DPP10: variants seen among roughly 807,000 people sequenced by gnomAD.
DPP10 encodes the protein dipeptidyl peptidase like 10.
A neutral mutation model predicts 120.9 loss-of-function variants in DPP10; 33 were observed. The observed-to-expected ratio is 0.27, with a 90% CI of 0.21 to 0.37. The LOEUF is 0.37. Among genes scored for constraint, DPP10 ranks in the 10% least tolerant of loss-of-function variants. The probability of loss-of-function intolerance (pLI) is 1.00; values close to 1 mark genes in which losing one functional copy is unlikely to be tolerated. For synonymous variants in DPP10, 337 were observed against 326.1 expected (o/e 1.03, Z -0.36); for missense variants, 816 against 942.8 (o/e 0.87, Z 1.76).
chr2:115,021,040 A>G (rs1703035386), intron 1 of DPP10, among the ~76,000 whole-genome samples: 1 of 152,150 alleles, frequency 6.6e-6, no homozygotes, highest in African/African-American at 2.4e-5. Context: ...GAAAGTTCAT[A>G]GCATTAAATG....
intron 1 of DPP10, among the ~76,000 whole-genome samples, chr2:115,134,856 T>C (rs1344969812): frequency 6.6e-6 from 1 of 152,078 alleles, no homozygotes; most frequent in Non-Finnish European, 1.5e-5. Context: ...GATAAGTGTA[T>C]TTTAGGACAA....
At chr2:114,858,124 G>A (rs1689512773) in intron 1 of DPP10, among the ~76,000 whole-genome samples, 1 of 152,100 alleles carries the variant, frequency 6.6e-6, no homozygotes, top group Non-Finnish European at 1.5e-5. Flanking sequence ...CGAGTAGCTG[G>A]GACTACAGAT....
chr2:115,587,688 A>T (rs190258431), intron 5 of DPP10, among the ~76,000 whole-genome samples: 1 of 152,208 alleles, frequency 6.6e-6, no homozygotes, highest in African/African-American at 2.4e-5. Flanking sequence ...TAGTCTATGT[A>T]TATACAATGG....
chr2:114,885,961 G>A (rs1433046633), intron 1 of DPP10, among the ~76,000 whole-genome samples: 6 of 152,158 alleles, frequency 3.9e-5, no homozygotes, highest in African/African-American at 1.4e-4. Flanking sequence ...AAAATATAAT[G>A]TGCGAAGAGT....
At chr2:115,398,653 A>G (rs1481363192) in intron 3 of DPP10, among the ~76,000 whole-genome samples, 1 of 152,104 alleles carries the variant, frequency 6.6e-6, no homozygotes. Flanking sequence ...CATATTATCT[A>G]CATTGTATAT....
intron 1 of DPP10, among the ~76,000 whole-genome samples, chr2:114,807,558 C>A (rs1177731238): frequency 6.6e-6 from 1 of 152,118 alleles, no homozygotes; most frequent in East Asian, 1.9e-4. Context: ...TATATGTACT[C>A]ACAAATAATA....
chr2:115,331,066 C>T (rs1361462876), intron 2 of DPP10, among the ~76,000 whole-genome samples: 8 of 151,920 alleles, frequency 5.3e-5, no homozygotes, highest in East Asian at 3.9e-4. Context: ...GGGCATGGAA[C>T]GTTCTTCCAT....
intron 1 of DPP10, among the ~76,000 whole-genome samples, chr2:114,931,729 C>G (rs762288014): frequency 6.6e-6 from 1 of 152,160 alleles, no homozygotes; most frequent in African/African-American, 2.4e-5. Context: ...TTACTAACTG[C>G]CTGTCCTTTG....
At chr2:114,890,975 A>C (rs1308723589) in intron 1 of DPP10, among the ~76,000 whole-genome samples, 3 of 152,196 alleles carry the variant, frequency 2.0e-5, no homozygotes, top group Non-Finnish European at 4.4e-5. Flanking sequence ...ATAGGAAAAC[A>C]CACCGAGTTT....
At chr2:115,071,864 T>C (rs1220239669) in intron 1 of DPP10, among the ~76,000 whole-genome samples, 3 of 152,100 alleles carry the variant, frequency 2.0e-5, no homozygotes, top group Non-Finnish European at 2.9e-5. Flanking sequence ...AAAGTTTCCA[T>C]TATTTTTTTT....
At chr2:115,696,699 G>T (rs991544461) in intron 7 of DPP10, among the ~76,000 whole-genome samples, 2 of 152,070 alleles carry the variant, frequency 1.3e-5, no homozygotes, top group Non-Finnish European at 2.9e-5. Flanking sequence ...TAAATACATG[G>T]GCAATTATAG....
intron 3 of DPP10, among the ~76,000 whole-genome samples, chr2:115,351,788 A>G (rs2064052699): frequency 6.6e-6 from 1 of 152,080 alleles, no homozygotes; most frequent in Non-Finnish European, 1.5e-5. Context: ...CAAATGACCA[A>G]AAATGTTTTA....
intron 1 of DPP10, among the ~76,000 whole-genome samples, chr2:114,628,220 C>T (rs1250917469): frequency 6.6e-6 from 1 of 151,982 alleles, no homozygotes; most frequent in Non-Finnish European, 1.5e-5. Flanking sequence ...TTGAAGAGGC[C>T]AGTATTTTCT....
chr2:114,720,388 T>G (rs1701627621), intron 1 of DPP10, among the ~76,000 whole-genome samples: 1 of 152,214 alleles, frequency 6.6e-6, no homozygotes, highest in Non-Finnish European at 1.5e-5. Context: ...ACAGTCTTAA[T>G]AGTTTACTGC....
At chr2:114,455,544 CA>C (rs58126075) in intron 1 of DPP10, among the ~76,000 whole-genome samples, 3,367 of 120,224 alleles carry the variant, frequency 0.028, 112 homozygotes, top group East Asian at 0.2. Context: ...GACTCTGTCT[CA>C]AAAAAAAAAA....
At chr2:114,595,249 T>C (rs76634312) in intron 1 of DPP10, among the ~76,000 whole-genome samples, 1,878 of 152,164 alleles carry the variant, frequency 0.012, 17 homozygotes, top group Middle Eastern at 0.024. Context: ...GGGAGCCTAT[T>C]TGAAATTGCA....
intron 1 of DPP10, among the ~76,000 whole-genome samples, chr2:114,984,719 T>C (rs1700294134): frequency 6.6e-6 from 1 of 152,200 alleles, no homozygotes; most frequent in African/African-American, 2.4e-5. Flanking sequence ...TTTAGCATTA[T>C]CCTAGTTGGT....
chr2:114,734,821 G>A (rs552393120), intron 1 of DPP10, among the ~76,000 whole-genome samples: 1 of 152,082 alleles, frequency 6.6e-6, no homozygotes, highest in African/African-American at 2.4e-5. Flanking sequence ...GAGTTTGCTA[G>A]AACTGCCATA....
intron 7 of DPP10, among the ~76,000 whole-genome samples, chr2:115,692,897 GA>G (rs1283534916): frequency 6.6e-6 from 1 of 152,050 alleles, no homozygotes; most frequent in Admixed American, 6.6e-5. Flanking sequence ...CATATCATGA[GA>G]AGCCTACAGA....
Sources: gnomAD v4.1 joint callset for allele counts (sites outside exome capture counted in the v4.1 genomes callset) on GRCh38, gnomAD v4.1.1 for gene constraint, MANE v1.5 for transcripts, NCBI Gene and HGNC (gene_info 2026-07-23, HGNC 2026-07-21) for gene names.